COL22A1: variants seen among roughly 807,000 people sequenced by gnomAD.
COL22A1 encodes the protein collagen alpha-1(XXII) chain.
In COL22A1, 221 loss-of-function variants were observed where a neutral mutation model predicts 248.9. The observed-to-expected ratio is 0.89, with a 90% CI of 0.80 to 0.99. COL22A1 has a LOEUF of 0.99. Among genes scored for constraint, COL22A1 ranks in the 50% least tolerant of loss-of-function variants. The probability of loss-of-function intolerance (pLI) is 0.00; values close to 1 mark genes in which losing one functional copy is unlikely to be tolerated. For missense variants in COL22A1, 2,240 were observed against 2,179.0 expected (o/e 1.03, Z -0.56); for synonymous variants, 891 against 793.4 (o/e 1.12, Z -2.07).
chr8:138,628,568 G>GT (rs1820442930), intron 50 of COL22A1, among the ~76,000 whole-genome samples: 1 of 152,136 alleles, frequency 6.6e-6, no homozygotes, highest in South Asian at 2.1e-4. Context: ...CTTCTATTTT[G>GT]TAACTACCAG....
In COL22A1 at chr8:138,598,838, G is replaced by A; in HGVS notation, c.4246C>T (p.Pro1416Ser). 6.2e-7 allele frequency: 1 copy of A among 1,614,134 alleles called. No individual in the cohort carries two copies. Among genetic ancestry groups the A allele is most frequent in the Non-Finnish European group, 8.5e-7 (1 of 1,180,024 alleles). Residue 1416 changes from proline (P) to serine (S), a missense_variant, in exon 61 of 65, where the codon CCT (proline) becomes TCT (serine). Pro to Ser is a moderately conservative substitution (Grantham distance 74, BLOSUM62 -1). Coordinates refer to ENST00000303045, the MANE Select transcript of COL22A1 (RefSeq NM_152888.3). ...PPGGKGQPGD[P>S]GIPGHKGHTG... is the part of the protein sequence containing the mutation. ...TGGCCTTTGTGGCCTGGGATTCCAG[G>A]GTCCCCAGGCTGGCCTTTTCCACCA...
intron 1 of COL22A1, among the ~76,000 whole-genome samples, chr8:138,908,554 G>A (rs1045474217): frequency 6.6e-6 from 1 of 152,176 alleles, no homozygotes; most frequent in Non-Finnish European, 1.5e-5. Flanking sequence ...TTTGTATCAA[G>A]ACATAGGTTT....
rs556802832 is a variant in COL22A1 at position 138,630,809 on chromosome 8, C to T, written c.3610-61G>A. ...CATCTAGACAGAGGTCATTAGCACC[C>T]TCTGCTTTGAATACAAAGCAATTGA... On this transcript the variant is annotated intron_variant, in intron 49 of 64. Transcript: ENST00000303045. 16 of 1,422,866 alleles carry T rather than the reference C, an allele frequency of 1.1e-5. No homozygotes were observed. In the African/African-American group the frequency reaches 1.8e-4, roughly 16 times the overall value. The allele number at this position is 1,422,866 out of a possible 1,614,324, so 88.1% of individuals were successfully genotyped here.
chr8:138,681,292 C>T (rs1825942885), intron 39 of COL22A1, among the ~76,000 whole-genome samples: 1 of 152,138 alleles, frequency 6.6e-6, no homozygotes, highest in Admixed American at 6.6e-5. Flanking sequence ...ATTTTTCCCC[C>T]AGACTCTGCC....
chr8:138,868,288 A>G (rs970938232), intron 3 of COL22A1, among the ~76,000 whole-genome samples: 5 of 152,188 alleles, frequency 3.3e-5, no homozygotes, highest in African/African-American at 1.2e-4. Context: ...GGGTTCTCAA[A>G]GCGGGCAACA....
At chr8:138,660,014 C>T (rs3935702) in intron 44 of COL22A1, among the ~76,000 whole-genome samples, 96,801 of 152,152 alleles carry the variant, frequency 0.64, 32,884 homozygotes, top group Non-Finnish European at 0.77. Flanking sequence ...TTCTCTGTCC[C>T]GTTCCATGCC....
intron 16 of COL22A1, among the ~76,000 whole-genome samples, chr8:138,764,143 T>C (rs1833735014): frequency 6.6e-6 from 1 of 152,238 alleles, no homozygotes; most frequent in South Asian, 2.1e-4. Flanking sequence ...TTGCAGGTTC[T>C]TGGTTTTCAG....
At position 138,909,483 on chromosome 8, in the gene COL22A1, G is replaced by A. The variant is rs150677177; in HGVS notation, c.-73+4136C>T. ...CAGCTCCAATTGGCCTGGACCTGCC[G>A]GTGTGCAGTCAAAGGAAAAGCTTCT... On this transcript the variant is annotated intron_variant, in intron 1 of 64. Transcript: ENST00000303045. Among the ~76,000 whole-genome samples the A allele has an allele frequency of 8.4e-3, 1,274 of 151,912 alleles. 19 individuals carry two copies. Among genetic ancestry groups the A allele is most frequent in the African/African-American group, 0.029 (1,201 of 41,420 alleles).
intron 3 of COL22A1, among the ~76,000 whole-genome samples, chr8:138,864,175 C>G (rs1443282431): frequency 6.6e-6 from 1 of 152,008 alleles, no homozygotes; most frequent in African/African-American, 2.4e-5. Flanking sequence ...CTTGGACCTC[C>G]CTGCCCAAAC....
intron 23 of COL22A1, among the ~76,000 whole-genome samples, chr8:138,733,287 C>A (rs1259361591): frequency 6.6e-6 from 1 of 152,196 alleles, no homozygotes; most frequent in Non-Finnish European, 1.5e-5. Flanking sequence ...CATAGGACAT[C>A]ATGGATGTAT....
At chr8:138,664,205 G>GCACA (rs1410256929) in intron 41 of COL22A1, among the ~76,000 whole-genome samples, 47 of 96,990 alleles carry the variant, frequency 4.8e-4, no homozygotes, top group South Asian at 8.7e-4. Context: ...GCGCGCGCGC[G>GCACA]CGCGCACACA....
intron 12 of COL22A1, among the ~76,000 whole-genome samples, chr8:138,796,474 A>G (rs186456378): frequency 1.1e-3 from 114 of 107,756 alleles, no homozygotes; most frequent in South Asian, 0.01. Flanking sequence ...TGTTTATCTT[A>G]ATTGGGACCT....
At chr8:138,714,905 G>C (rs1829311443) in intron 30 of COL22A1, among the ~76,000 whole-genome samples, 1 of 152,084 alleles carries the variant, frequency 6.6e-6, no homozygotes, top group Non-Finnish European at 1.5e-5. Context: ...GGGCACATGG[G>C]GTTTTTGCTC....
At chr8:138,677,310 G>A (rs1360313678) in intron 40 of COL22A1, among the ~76,000 whole-genome samples, 1 of 152,212 alleles carries the variant, frequency 6.6e-6, no homozygotes, top group Non-Finnish European at 1.5e-5. Flanking sequence ...CAGATGTTGT[G>A]CTCACTCTAT....
rs954638128 is a variant in COL22A1, at chr8:138,745,045, C to A, written c.2085+6413G>T. 2.6e-5 allele frequency among the ~76,000 whole-genome samples: 4 copies of A among 152,280 alleles called. No individual in the cohort carries two copies. The South Asian group carries it at 8.3e-4, about 32-fold the overall frequency. On this transcript the variant is annotated intron_variant, in intron 22 of 64. Coordinates refer to ENST00000303045, the MANE Select transcript of COL22A1 (RefSeq NM_152888.3). ...AGAGCAATGACCAAGATCTAAGTGA[C>A]CTTGAGAAGGTCATTCACGTTTCTG...
intron 4 of COL22A1, among the ~76,000 whole-genome samples, chr8:138,838,988 C>T (rs1820658260): frequency 6.6e-6 from 1 of 152,080 alleles, no homozygotes; most frequent in Non-Finnish European, 1.5e-5. Flanking sequence ...CCCTTAGCTG[C>T]CTTAGTTCCT....
chr8:138,625,222 G>A (rs1820138482), intron 51 of COL22A1, among the ~76,000 whole-genome samples: 1 of 152,122 alleles, frequency 6.6e-6, no homozygotes, highest in African/African-American at 2.4e-5. Context: ...ATGAGATGGG[G>A]GAAGATCGAA....
chr8:138,899,940 AT>A (rs1445139014), intron 1 of COL22A1, among the ~76,000 whole-genome samples: 1 of 152,216 alleles, frequency 6.6e-6, no homozygotes, highest in Non-Finnish European at 1.5e-5. Flanking sequence ...ATGGCAGCTG[AT>A]CCAGTAGACT....
At chr8:138,818,299 A>G (rs1018763530) in intron 7 of COL22A1, among the ~76,000 whole-genome samples, 3 of 152,194 alleles carry the variant, frequency 2.0e-5, no homozygotes, top group Non-Finnish European at 2.9e-5. Context: ...TGCCCAAGAC[A>G]GGGAACTTAA....
Sources: allele counts gnomAD v4.1 joint callset (sites outside exome capture counted in the v4.1 genomes callset), GRCh38; gene constraint gnomAD v4.1.1; transcripts MANE v1.5; gene names NCBI Gene and HGNC (gene_info 2026-07-23, HGNC 2026-07-21).